TENM3: variants seen among roughly 807,000 people sequenced by gnomAD.
TENM3 encodes the protein teneurin transmembrane protein 3, also known as teneurin-3.
Under a neutral mutation model 255.1 loss-of-function variants are expected in TENM3, and 63 were observed. That is an observed-to-expected ratio of 0.25 (90% CI 0.20 to 0.30). TENM3 has a LOEUF of 0.30. TENM3 is among the 10% of genes least tolerant of loss of function. The pLI is 1.00. For missense variants in TENM3, 2,929 were observed against 3,461.1 expected (o/e 0.85, Z 3.86); for synonymous variants, 1,306 against 1,322.3 (o/e 0.99, Z 0.27).
At chr4:182,066,599 A>AATATATAT in the TENM3 span, among the ~76,000 whole-genome samples, 75 of 137,112 alleles carry the variant, frequency 5.5e-4, no homozygotes, top group African/African-American at 8.6e-4. Context: ...GTAAAAAAAA[A>AATATATAT]ATATATATAT....
the TENM3 span, among the ~76,000 whole-genome samples, chr4:181,917,647 C>CTTCTTTTTTTTTT: frequency 2.7e-5 from 4 of 148,922 alleles, no homozygotes; most frequent in Non-Finnish European, 5.9e-5. Flanking sequence ...GTTCCTCAGA[C>CTTCTTTTTTTTTT]TTCTTTTTTT....
intron 2 of TENM3, among the ~76,000 whole-genome samples, chr4:182,331,856 A>C (rs1027259878): frequency 6.6e-6 from 1 of 152,252 alleles, no homozygotes; most frequent in African/African-American, 2.4e-5. Flanking sequence ...AGCTAAATTT[A>C]TAAGCAAAAA....
At chr4:181,854,674 C>A in the TENM3 span, among the ~76,000 whole-genome samples, 1 of 152,188 alleles carries the variant, frequency 6.6e-6, no homozygotes, top group Non-Finnish European at 1.5e-5. Flanking sequence ...TCTTTTCCAA[C>A]ACATTTAACA....
chr4:181,449,733 G>A, the TENM3 span, among the ~76,000 whole-genome samples: 1 of 152,184 alleles, frequency 6.6e-6, no homozygotes, highest in Non-Finnish European at 1.5e-5. Context: ...GTTGCAATGA[G>A]CCGAGATCGT....
the TENM3 span, among the ~76,000 whole-genome samples, chr4:181,682,074 T>C: frequency 1.3e-5 from 2 of 152,172 alleles, no homozygotes; most frequent in African/African-American, 4.8e-5. Flanking sequence ...ACCTGCTAAA[T>C]GCGAATCATC....
the TENM3 span, among the ~76,000 whole-genome samples, chr4:181,638,128 T>C: frequency 2.0e-5 from 3 of 152,238 alleles, no homozygotes; most frequent in Non-Finnish European, 4.4e-5. Flanking sequence ...CTTTTAAAAA[T>C]TGGTTTATTC....
the TENM3 span, among the ~76,000 whole-genome samples, chr4:181,980,766 C>A: frequency 6.6e-6 from 1 of 152,270 alleles, no homozygotes; most frequent in Non-Finnish European, 1.5e-5. Flanking sequence ...CGAATTAGAT[C>A]TGGTAATTCC....
At chr4:181,648,404 G>A in the TENM3 span, among the ~76,000 whole-genome samples, 120 of 152,222 alleles carry the variant, frequency 7.9e-4, 1 homozygote, top group Admixed American at 3.9e-3. Context: ...GATGTCCTCA[G>A]CTGCCATTTT....
the TENM3 span, among the ~76,000 whole-genome samples, chr4:181,575,899 G>A: frequency 6.6e-6 from 1 of 152,170 alleles, no homozygotes; most frequent in Non-Finnish European, 1.5e-5. Flanking sequence ...GACATGGCCA[G>A]GAATCAATAG....
chr4:182,576,958 C>T (rs1744985608), intron 3 of TENM3, among the ~76,000 whole-genome samples: 1 of 152,200 alleles, frequency 6.6e-6, no homozygotes, highest in Non-Finnish European at 1.5e-5. Flanking sequence ...GTCTTCCAGG[C>T]TTCCTTTCCT....
chr4:181,671,225 A>G, the TENM3 span, among the ~76,000 whole-genome samples: 228 of 152,328 alleles, frequency 1.5e-3, 2 homozygotes, highest in Admixed American at 0.013. Flanking sequence ...ACCTCCTATT[A>G]TAAATATGAG....
chr4:182,080,310 G>A, the TENM3 span, among the ~76,000 whole-genome samples: 1 of 152,122 alleles, frequency 6.6e-6, no homozygotes, highest in Middle Eastern at 3.4e-3. Context: ...CATTAAAAAA[G>A]ATGTTATAGA....
chr4:181,773,380 T>A, the TENM3 span, among the ~76,000 whole-genome samples: 1 of 152,240 alleles, frequency 6.6e-6, no homozygotes, highest in African/African-American at 2.4e-5. Context: ...GATCAGTATT[T>A]GCTACGGTTG....
At chr4:181,706,832 C>T in the TENM3 span, among the ~76,000 whole-genome samples, 649 of 152,224 alleles carry the variant, frequency 4.3e-3, 2 homozygotes, top group South Asian at 6.8e-3. Flanking sequence ...TTCTCCATCG[C>T]GGGGCCGTCT....
chr4:182,708,412 T>C (rs1758455953), intron 12 of TENM3, among the ~76,000 whole-genome samples: 2 of 152,120 alleles, frequency 1.3e-5, no homozygotes, highest in Admixed American at 6.5e-5. Flanking sequence ...CCAGGGCTCA[T>C]GGAAGAGCTA....
chr4:181,593,008 C>T, the TENM3 span, among the ~76,000 whole-genome samples: 1 of 152,142 alleles, frequency 6.6e-6, no homozygotes, highest in Non-Finnish European at 1.5e-5. Context: ...ACAAAGCAAG[C>T]CATGGGAGTT....
At chr4:181,747,468 G>A in the TENM3 span, among the ~76,000 whole-genome samples, 1 of 151,964 alleles carries the variant, frequency 6.6e-6, no homozygotes, top group Non-Finnish European at 1.5e-5. Flanking sequence ...CAAAACTTGA[G>A]TACAATATCA....
the TENM3 span, among the ~76,000 whole-genome samples, chr4:181,803,081 A>T: frequency 2.0e-4 from 30 of 152,032 alleles, 1 homozygote; most frequent in Middle Eastern, 3.2e-3. Flanking sequence ...TAGAATTTCT[A>T]ACCATCACAT....
the TENM3 span, among the ~76,000 whole-genome samples, chr4:181,847,052 T>TA: frequency 6.6e-6 from 1 of 152,210 alleles, no homozygotes; most frequent in Non-Finnish European, 1.5e-5. Flanking sequence ...GCAATGACCT[T>TA]ACTGTCCTGC....
Sources: allele counts gnomAD v4.1 joint callset (sites outside exome capture counted in the v4.1 genomes callset), GRCh38; gene constraint gnomAD v4.1.1; transcripts MANE v1.5; gene names NCBI Gene and HGNC (gene_info 2026-07-23, HGNC 2026-07-21).